Variants in DRC8 observed in about 807,000 individuals in gnomAD.
The protein encoded by DRC8 is dynein regulatory complex protein 8.
the DRC8 span, among the ~76,000 whole-genome samples, chr1:245,099,913 A>G: frequency 2.0e-5 from 3 of 152,188 alleles, no homozygotes; most frequent in African/African-American, 7.2e-5. Flanking sequence ...CCCGCCGGCC[A>G]TCAACTCGAG....
the DRC8 span, among the ~76,000 whole-genome samples, chr1:245,035,546 A>G: frequency 6.6e-6 from 1 of 152,222 alleles, no homozygotes; most frequent in African/African-American, 2.4e-5. Flanking sequence ...GGACCCTACC[A>G]CACACCATAT....
the DRC8 span, among the ~76,000 whole-genome samples, chr1:245,035,092 G>T: frequency 0.28 from 43,184 of 151,720 alleles, 6,392 homozygotes; most frequent in Middle Eastern, 0.36. Context: ...CTAGTCATAT[G>T]TATATAGATT....
the DRC8 span, among the ~76,000 whole-genome samples, chr1:245,006,445 C>T: frequency 4.6e-5 from 7 of 152,058 alleles, no homozygotes; most frequent in Non-Finnish European, 7.4e-5. Context: ...TGATTACAGG[C>T]GCATGCCACC....
chr1:244,991,622 C>T, the DRC8 span, among the ~76,000 whole-genome samples: 3 of 152,158 alleles, frequency 2.0e-5, no homozygotes, highest in South Asian at 2.1e-4. Context: ...TTTTAATCCT[C>T]GTAACAGCCC....
the DRC8 span, among the ~76,000 whole-genome samples, chr1:245,036,746 C>T: frequency 6.6e-6 from 1 of 152,118 alleles, no homozygotes; most frequent in African/African-American, 2.4e-5. Flanking sequence ...CACAGAAGGC[C>T]ACATGTGTAT....
the DRC8 span, among the ~76,000 whole-genome samples, chr1:245,026,238 G>A: frequency 6.6e-6 from 1 of 152,138 alleles, no homozygotes; most frequent in Non-Finnish European, 1.5e-5. Context: ...CTGATAGGGA[G>A]ACTTCAGCTT....
chr1:245,018,944 C>T, the DRC8 span, among the ~76,000 whole-genome samples: 1 of 152,216 alleles, frequency 6.6e-6, no homozygotes, highest in African/African-American at 2.4e-5. Context: ...GCATGCCACA[C>T]TGCCCACACT....
At chr1:245,082,940 C>G in the DRC8 span, among the ~76,000 whole-genome samples, 1 of 152,048 alleles carries the variant, frequency 6.6e-6, no homozygotes, top group Non-Finnish European at 1.5e-5. Flanking sequence ...AACTCCTGAC[C>G]TCAGATGATC....
the DRC8 span, among the ~76,000 whole-genome samples, chr1:245,113,223 G>A: frequency 6.6e-6 from 1 of 152,156 alleles, no homozygotes; most frequent in Admixed American, 6.5e-5. Context: ...TCTTACAGGC[G>A]AGTCAGCCAA....
At chr1:245,116,456 C>T in the DRC8 span, among the ~76,000 whole-genome samples, 1 of 152,088 alleles carries the variant, frequency 6.6e-6, no homozygotes, top group African/African-American at 2.4e-5. Flanking sequence ...GAGGTGACAT[C>T]TGAGCTGTGT....
At chr1:245,114,930 T>C in the DRC8 span, among the ~76,000 whole-genome samples, 1 of 152,166 alleles carries the variant, frequency 6.6e-6, no homozygotes, top group Non-Finnish European at 1.5e-5. Context: ...TCTGCCATGT[T>C]GGTCAGGATG....
the DRC8 span, among the ~76,000 whole-genome samples, chr1:245,108,594 G>C: frequency 3.2e-4 from 49 of 152,150 alleles, no homozygotes; most frequent in Non-Finnish European, 6.3e-4. Flanking sequence ...AGGACTCCCA[G>C]ATCCAAACCT....
the DRC8 span, among the ~76,000 whole-genome samples, chr1:244,989,307 C>A: frequency 6.6e-6 from 1 of 152,188 alleles, no homozygotes; most frequent in Non-Finnish European, 1.5e-5. Flanking sequence ...TCCTTTTCTG[C>A]TCCGGAGTCC....
chr1:245,076,533 A>C, the DRC8 span, among the ~76,000 whole-genome samples: 4 of 152,166 alleles, frequency 2.6e-5, no homozygotes, highest in African/African-American at 9.6e-5. Flanking sequence ...GAAAGAAGTC[A>C]AGTGGATTTT....
the DRC8 span, among the ~76,000 whole-genome samples, chr1:245,071,134 G>A: frequency 1.1e-4 from 16 of 152,170 alleles, no homozygotes; most frequent in Non-Finnish European, 1.5e-4. Flanking sequence ...CAGCACAATT[G>A]GACTAAGACC....
chr1:245,066,974 G>A, the DRC8 span, among the ~76,000 whole-genome samples: 1 of 152,052 alleles, frequency 6.6e-6, no homozygotes, highest in Non-Finnish European at 1.5e-5. Flanking sequence ...ATTGAAATTG[G>A]ACTTCTGGAA....
At chr1:245,090,103 A>G in the DRC8 span, among the ~76,000 whole-genome samples, 40 of 152,348 alleles carry the variant, frequency 2.6e-4, no homozygotes, top group East Asian at 6.7e-3. Context: ...ACCAGGGTTA[A>G]GGTTTTGTCA....
At chr1:245,118,353 A>AG in the DRC8 span, among the ~76,000 whole-genome samples, 1 of 152,180 alleles carries the variant, frequency 6.6e-6, no homozygotes, top group African/African-American at 2.4e-5. Flanking sequence ...GGAGGGAGCC[A>AG]GGTGAGGTTG....
At chr1:244,996,512 T>C in the DRC8 span, among the ~76,000 whole-genome samples, 2 of 152,178 alleles carry the variant, frequency 1.3e-5, no homozygotes, top group Non-Finnish European at 1.5e-5. Flanking sequence ...TTGAAGAATT[T>C]CGTAGCCTAC....
Sources: gnomAD v4.1 joint callset for allele counts (sites outside exome capture counted in the v4.1 genomes callset) on GRCh38, gnomAD v4.1.1 for gene constraint, MANE v1.5 for transcripts, NCBI Gene and HGNC (gene_info 2026-07-23, HGNC 2026-07-21) for gene names.